SLC37A3: variants seen among roughly 807,000 people sequenced by gnomAD.
SLC37A3 encodes the protein solute carrier family 37 member 3, also known as sugar phosphate exchanger 3.
A neutral mutation model predicts 67.1 loss-of-function variants in SLC37A3; 51 were observed. The ratio of observed to expected loss-of-function variants is 0.76; its 90% CI spans 0.61 to 0.96. SLC37A3 has a LOEUF of 0.96. SLC37A3 is among the 40% of genes least tolerant of loss of function. The probability of loss-of-function intolerance (pLI) is 0.00; values close to 1 mark genes in which losing one functional copy is unlikely to be tolerated. For synonymous variants in SLC37A3, 214 were observed against 231.4 expected, an observed-to-expected ratio of 0.92 and a Z score of 0.68; for missense variants, 508 against 603.0, an observed-to-expected ratio of 0.84 and a Z score of 1.65.
intron 1 of SLC37A3, among the ~76,000 whole-genome samples, chr7:140,383,276 T>C (rs1247914548): frequency 6.6e-6 from 1 of 151,888 alleles, no homozygotes; most frequent in Non-Finnish European, 1.5e-5. Context: ...CAAAAGTATT[T>C]TTCACAAAGT....
Position 140,352,046 on chromosome 7 carries a change from G to A in SLC37A3, c.703+16C>T. The A allele has an allele frequency of 6.2e-7, 1 of 1,604,006 alleles. No homozygotes were observed. The highest frequency in any genetic ancestry group is 8.5e-7 in the Non-Finnish European group (1 of 1,174,482). On this transcript the variant is annotated intron_variant, in intron 8 of 14. Transcript: ENST00000326232. ...ATAGTAAGACATTCGGAATAGAAGG[G>A]GCGGCTTCTCCTCACCAATTTCTTC...
At chr7:140,372,209 G>A (rs1259176486) in intron 3 of SLC37A3, among the ~76,000 whole-genome samples, 1 of 152,100 alleles carries the variant, frequency 6.6e-6, no homozygotes, top group African/African-American at 2.4e-5. Context: ...AATTTCCCCC[G>A]CAATAGACAT....
At chr7:140,356,000 G>A (rs1797011223) in intron 6 of SLC37A3, among the ~76,000 whole-genome samples, 1 of 152,116 alleles carries the variant, frequency 6.6e-6, no homozygotes, top group African/African-American at 2.4e-5. Flanking sequence ...TTCGAGACCA[G>A]CCTGACCAAC....
intron 3 of SLC37A3, among the ~76,000 whole-genome samples, chr7:140,377,265 A>G (rs539889736): frequency 1.4e-5 from 2 of 147,380 alleles, no homozygotes; most frequent in African/African-American, 2.5e-5. Context: ...TGGTCTCTCT[A>G]TGTTGCCCAG....
chr7:140,335,273 A>C lies in SLC37A3; in HGVS notation c.*139T>G. On this transcript the variant is annotated 3_prime_UTR_variant, in exon 15 of 15. Transcript: ENST00000326232. Reference sequence around the variant, plus strand: ...AGCCTTCACTGCTGGTCAGCATCTCAGGTGGCTGGCAGTGTTGAGAGACGC... The same window carrying C: ...AGCCTTCACTGCTGGTCAGCATCTCCGGTGGCTGGCAGTGTTGAGAGACGC... The C allele has an allele frequency of 6.2e-7, 1 of 1,614,144 alleles. No individual in the cohort carries two copies. Among genetic ancestry groups the C allele is most frequent in the Non-Finnish European group, 8.5e-7 (1 of 1,179,998 alleles).
intron 3 of SLC37A3, among the ~76,000 whole-genome samples, chr7:140,375,862 C>G (rs1798012575): frequency 6.6e-6 from 1 of 152,212 alleles, no homozygotes; most frequent in South Asian, 2.1e-4. Context: ...CAGCTGACAT[C>G]AAACAGTCTT....
chr7:140,370,120 A>AAAAAG (rs766662182), intron 3 of SLC37A3, among the ~76,000 whole-genome samples: 1 of 149,412 alleles, frequency 6.7e-6, no homozygotes, highest in Non-Finnish European at 1.5e-5. Context: ...CAAAAAAACA[A>AAAAAG]AAAAGAAAAG....
Position 140,367,756 on chromosome 7 carries a change from C to G in SLC37A3, c.291+1834G>C, listed in dbSNP as rs73474933. Reference sequence around the variant, plus strand: ...GAGACGCCAGCTGCCTATCCTGACGCTGAATTACTCCTCGCCACCGTGGAA... The same window carrying G: ...GAGACGCCAGCTGCCTATCCTGACGGTGAATTACTCCTCGCCACCGTGGAA... On this transcript the variant is annotated intron_variant, in intron 4 of 14. Coordinates refer to ENST00000326232, the MANE Select transcript of SLC37A3 (RefSeq NM_207113.3). 2.0e-3 allele frequency among the ~76,000 whole-genome samples: 301 copies of G among 151,946 alleles called. 1 individual carries two copies. The highest frequency in any genetic ancestry group is 7.0e-3 in the African/African-American group (290 of 41,418).
intron 3 of SLC37A3, among the ~76,000 whole-genome samples, chr7:140,378,106 G>A (rs1220703164): frequency 2.6e-5 from 4 of 152,138 alleles, no homozygotes; most frequent in Non-Finnish European, 5.9e-5. Flanking sequence ...GCAGCCTTAG[G>A]CAGTACAACC....
Position 140,343,432 on chromosome 7 carries a change from T to C in SLC37A3, c.1306A>G (p.Ile436Val). 1.2e-6 allele frequency: 2 copies of C among 1,613,852 alleles called. No homozygotes were observed. Among genetic ancestry groups the C allele is most frequent in the Non-Finnish European group, 1.7e-6 (2 of 1,179,960 alleles). The change falls in exon 13 of 15, where the codon ATT becomes GTT. Residue 436 changes from isoleucine to valine, a missense_variant. Transcript: ENST00000326232. ...VTGIVDGSGSIGAAVGQYLVS... is the reference protein window; with the variant it reads ...VTGIVDGSGSVGAAVGQYLVS... ...CTCACCTGGCCCACTGCAGCTCCAA[T>C]GCTCCCCGAACCATCCACAATTCCT...
intron 13 of SLC37A3, among the ~76,000 whole-genome samples, chr7:140,338,869 G>A (rs751040293): frequency 2.0e-5 from 3 of 151,916 alleles, no homozygotes; most frequent in Non-Finnish European, 4.4e-5. Flanking sequence ...AGGTTCAAGC[G>A]ATTATCTTGC....
chr7:140,363,281 A>G (rs1797442187), intron 5 of SLC37A3, among the ~76,000 whole-genome samples: 1 of 90,074 alleles, frequency 1.1e-5, no homozygotes, highest in Non-Finnish European at 2.4e-5. Context: ...AAATTGAGAA[A>G]TCGGATGGTT....
At chr7:140,350,840 T>C (rs950323940) in intron 9 of SLC37A3, among the ~76,000 whole-genome samples, 1 of 152,142 alleles carries the variant, frequency 6.6e-6, no homozygotes, top group African/African-American at 2.4e-5. Flanking sequence ...TTCTTCTTGG[T>C]CCACATATAA....
chr7:140,340,916 A>G (rs1796335463), intron 13 of SLC37A3, among the ~76,000 whole-genome samples: 1 of 139,906 alleles, frequency 7.1e-6, no homozygotes, highest in Non-Finnish European at 1.5e-5. Flanking sequence ...TGGGCATAAG[A>G]GCCAGATGCT....
intron 13 of SLC37A3, chr7:140,337,607 T>C: frequency 3.5e-6 from 1 of 287,844 alleles, no homozygotes; most frequent in Admixed American, 5.1e-5. Context: ...CTTTGCTATT[T>C]AGAGAGGAAG....
At chr7:140,363,870 T>C (rs562753418) in intron 5 of SLC37A3, among the ~76,000 whole-genome samples, 27 of 149,592 alleles carry the variant, frequency 1.8e-4, no homozygotes, top group Non-Finnish European at 4.0e-4. Context: ...GGGGCCAGGG[T>C]GTAGTGAATG....
intron 9 of SLC37A3, among the ~76,000 whole-genome samples, chr7:140,349,444 A>G (rs1796705279): frequency 6.6e-6 from 1 of 151,458 alleles, no homozygotes; most frequent in Non-Finnish European, 1.5e-5. Flanking sequence ...GGGGAAAAAA[A>G]TGCTGCAGCT....
chr7:140,348,383 G>C (rs1490426343), intron 10 of SLC37A3: 2 of 349,120 alleles, frequency 5.7e-6, no homozygotes, highest in Admixed American at 9.9e-5. Flanking sequence ...TAAGAAAAAA[G>C]AGTCCAATAA....
intron 1 of SLC37A3, among the ~76,000 whole-genome samples, chr7:140,394,495 A>C (rs952928799): frequency 1.3e-5 from 2 of 151,290 alleles, no homozygotes; most frequent in East Asian, 2.0e-4. Context: ...GGTGGCGGAC[A>C]CCTGTGGCCC....
Sources: allele counts gnomAD v4.1 joint callset (sites outside exome capture counted in the v4.1 genomes callset), GRCh38; gene constraint gnomAD v4.1.1; transcripts MANE v1.5; gene names NCBI Gene and HGNC (gene_info 2026-07-23, HGNC 2026-07-21).